EPHA5: variants seen among roughly 807,000 people sequenced by gnomAD.
The protein encoded by EPHA5 is EPH receptor A5.
Under a neutral mutation model 105.0 loss-of-function variants are expected in EPHA5, and 60 were observed. The ratio of observed to expected loss-of-function variants is 0.57; its 90% CI spans 0.46 to 0.71. The LOEUF (loss-of-function observed/expected upper bound fraction) is 0.71, where lower values mean the gene tolerates loss of function less well. Among genes scored for constraint, EPHA5 ranks in the 30% least tolerant of loss-of-function variants. The pLI is 0.00. For missense variants in EPHA5, 1,218 were observed against 1,274.7 expected (o/e 0.96, Z 0.68); for synonymous variants, 513 against 449.1 (o/e 1.14, Z -1.80).
intron 2 of EPHA5, among the ~76,000 whole-genome samples, chr4:65,639,167 TAGAC>T (rs1747419497): frequency 6.6e-6 from 1 of 152,160 alleles, no homozygotes; most frequent in Non-Finnish European, 1.5e-5. Context: ...GGAAATGAAG[TAGAC>T]AGAATAAAAG....
At chr4:65,491,439 G>A (rs1236832211) in intron 4 of EPHA5, among the ~76,000 whole-genome samples, 1 of 151,924 alleles carries the variant, frequency 6.6e-6, no homozygotes, top group Non-Finnish European at 1.5e-5. Context: ...ACAATAGGAT[G>A]AATAAAAGCG....
chr4:65,653,602 A>G (rs868596248), intron 1 of EPHA5, among the ~76,000 whole-genome samples: 1 of 152,012 alleles, frequency 6.6e-6, no homozygotes, highest in Non-Finnish European at 1.5e-5. Context: ...ATATATCTTA[A>G]CTGTATAAAA....
intron 5 of EPHA5, among the ~76,000 whole-genome samples, chr4:65,461,963 G>C (rs1449813974): frequency 5.3e-5 from 8 of 152,008 alleles, no homozygotes; most frequent in Non-Finnish European, 1.5e-5. Context: ...AGTTAACCAA[G>C]CAGAACATGC....
chr4:65,524,016 G>A (rs1036747608), intron 3 of EPHA5, among the ~76,000 whole-genome samples: 2 of 151,680 alleles, frequency 1.3e-5, no homozygotes, highest in East Asian at 3.9e-4. Context: ...AGAACGACTT[G>A]GTCTCTCCTT....
rs71205383 is a variant in EPHA5 at position 65,554,981 on chromosome 4, C to CAAAA, written c.910+46656_910+46659dup. ...TTATCACTTCACCCCTATACAACAG[C>CAAAA]AAAAAAAAAAAAAAAAAAAAAAAAA... On this transcript the variant is annotated intron_variant, in intron 3 of 16. Transcript: ENST00000613740. 1.3e-3 allele frequency among the ~76,000 whole-genome samples: 119 copies of CAAAA among 92,558 alleles called. 3 individuals are homozygous for CAAAA. The highest frequency in any genetic ancestry group is 7.4e-3 in the Middle Eastern group (1 of 136). The allele number at this position is 92,558 out of a possible 152,430, so 60.7% of individuals were successfully genotyped here. A position where few individuals can be genotyped will look rare whatever the true frequency, so the allele number is the denominator to read the frequency against.
chr4:65,593,274 TTAAC>T (rs528635053), intron 3 of EPHA5, among the ~76,000 whole-genome samples: 131 of 152,252 alleles, frequency 8.6e-4, no homozygotes, highest in African/African-American at 3.1e-3. Flanking sequence ...GGAGAAATAT[TTAAC>T]TAATGCACAA....
At chr4:65,576,050 GAAAGAAAGAAAAGAAAAGAAAAGA>G (rs1740926567) in intron 3 of EPHA5, among the ~76,000 whole-genome samples, 8 of 71,282 alleles carry the variant, frequency 1.1e-4, no homozygotes, top group South Asian at 1.0e-3. Context: ...AAGAAAGAAA[GAAAGAAAGAAAAGAAAAGAAAAGA>G]AAAGAAAAGA....
chr4:65,395,885 G>T (rs993683591), intron 8 of EPHA5, among the ~76,000 whole-genome samples: 10 of 152,212 alleles, frequency 6.6e-5, no homozygotes, highest in Non-Finnish European at 1.5e-4. Context: ...AATGACCACT[G>T]CAAAGGCACC....
At chr4:65,353,768 C>A (rs1481167688) in intron 11 of EPHA5, among the ~76,000 whole-genome samples, 1 of 151,672 alleles carries the variant, frequency 6.6e-6, no homozygotes, top group African/African-American at 2.4e-5. Flanking sequence ...CCTACCTTTA[C>A]CTCTATGTTT....
chr4:65,433,479 G>A (rs1725182018), intron 5 of EPHA5, among the ~76,000 whole-genome samples: 1 of 152,150 alleles, frequency 6.6e-6, no homozygotes, highest in Non-Finnish European at 1.5e-5. Flanking sequence ...TAGAATATGA[G>A]ACTCTTGATT....
intron 14 of EPHA5, among the ~76,000 whole-genome samples, chr4:65,341,473 A>G (rs961571005): frequency 3.3e-5 from 5 of 151,920 alleles, no homozygotes; most frequent in Admixed American, 2.6e-4. Context: ...GTCACCCCAT[A>G]GAATCATATT....
intron 3 of EPHA5, among the ~76,000 whole-genome samples, chr4:65,600,686 A>G (rs184559783): frequency 3.3e-5 from 5 of 152,272 alleles, no homozygotes; most frequent in African/African-American, 1.2e-4. Flanking sequence ...CCCTAAGTTA[A>G]TATTCATTAA....
intron 2 of EPHA5, among the ~76,000 whole-genome samples, chr4:65,611,171 G>C (rs1342954206): frequency 2.0e-5 from 3 of 152,040 alleles, no homozygotes. Flanking sequence ...ACACACCCAC[G>C]ATTAAGAATT....
intron 8 of EPHA5, among the ~76,000 whole-genome samples, chr4:65,398,572 G>A (rs1215209438): frequency 6.6e-6 from 1 of 152,120 alleles, no homozygotes; most frequent in Non-Finnish European, 1.5e-5. Context: ...AGAAGTTATG[G>A]TGCTTTCTCT....
At chr4:65,432,829 A>C (rs4860664) in intron 5 of EPHA5, among the ~76,000 whole-genome samples, 18,588 of 151,448 alleles carry the variant, frequency 0.12, 1,597 homozygotes, top group East Asian at 0.32. Context: ...GAAGTAGATA[A>C]ATTTTGCATA....
chr4:65,497,824 C>T (rs1271033486), intron 3 of EPHA5, among the ~76,000 whole-genome samples: 1 of 151,900 alleles, frequency 6.6e-6, no homozygotes, highest in East Asian at 1.9e-4. Context: ...ATAAATGTAT[C>T]TTTCTGTTCA....
chr4:65,380,638 A>G (rs367862929), intron 8 of EPHA5, among the ~76,000 whole-genome samples: 1 of 151,832 alleles, frequency 6.6e-6, no homozygotes, highest in Non-Finnish European at 1.5e-5. Flanking sequence ...TCACAAAAGA[A>G]GTACTTGAAT....
At chr4:65,614,225 G>T (rs1299189355) in intron 2 of EPHA5, among the ~76,000 whole-genome samples, 2 of 151,794 alleles carry the variant, frequency 1.3e-5, no homozygotes, top group Admixed American at 1.3e-4. Flanking sequence ...ATTTTTCAGT[G>T]TGATTTTAGC....
intron 5 of EPHA5, among the ~76,000 whole-genome samples, chr4:65,467,012 T>G (rs1578182068): frequency 6.6e-6 from 1 of 152,150 alleles, no homozygotes; most frequent in South Asian, 2.1e-4. Context: ...GAAAAAGTGA[T>G]AGCCCCTTAA....
Sources: gnomAD v4.1 joint callset for allele counts (sites outside exome capture counted in the v4.1 genomes callset) on GRCh38, gnomAD v4.1.1 for gene constraint, MANE v1.5 for transcripts, NCBI Gene and HGNC (gene_info 2026-07-23, HGNC 2026-07-21) for gene names.